MTHFD2L: variants seen among roughly 807,000 people sequenced by gnomAD.
The protein encoded by MTHFD2L is bifunctional methylenetetrahydrofolate dehydrogenase/cyclohydrolase 2, mitochondrial.
In MTHFD2L, 29 loss-of-function variants were observed where a neutral mutation model predicts 34.9. The observed-to-expected ratio is 0.83, with a 90% confidence interval of 0.62 to 1.13. The LOEUF is 1.13. Among genes scored for constraint, MTHFD2L ranks in the 50% most tolerant of loss-of-function variants. MTHFD2L has a pLI of 0.00. For synonymous variants in MTHFD2L, 167 were observed against 155.7 expected (o/e 1.07, Z -0.54); for missense variants, 481 against 446.5 (o/e 1.08, Z -0.70).
chr4:74,245,279 GC>G (rs1273234625), intron 6 of MTHFD2L, among the ~76,000 whole-genome samples: 4 of 149,698 alleles, frequency 2.7e-5, no homozygotes, highest in African/African-American at 7.4e-5. Flanking sequence ...GTAAGATAGT[GC>G]CTTTTATTCT....
intron 6 of MTHFD2L, among the ~76,000 whole-genome samples, chr4:74,250,344 G>T (rs1743127029): frequency 6.6e-6 from 1 of 151,958 alleles, no homozygotes; most frequent in Non-Finnish European, 1.5e-5. Flanking sequence ...GTGTAGAGAG[G>T]CCTATTTAAA....
intron 5 of MTHFD2L, among the ~76,000 whole-genome samples, chr4:74,223,249 A>G (rs1383348526): frequency 1.3e-5 from 2 of 151,750 alleles, no homozygotes; most frequent in Non-Finnish European, 2.9e-5. Flanking sequence ...CACACTACAT[A>G]CACACACACA....
intron 6 of MTHFD2L, among the ~76,000 whole-genome samples, chr4:74,269,885 A>G (rs933949537): frequency 6.6e-5 from 10 of 152,164 alleles, no homozygotes; most frequent in Admixed American, 6.5e-4. Flanking sequence ...AAGAAGGCAG[A>G]TAAGTATAGA....
At chr4:74,270,795 A>G (rs1246748505) in intron 6 of MTHFD2L, among the ~76,000 whole-genome samples, 1 of 152,070 alleles carries the variant, frequency 6.6e-6, no homozygotes, top group East Asian at 1.9e-4. Context: ...CAACAGTGTC[A>G]AAGTGTTCCT....
chr4:74,243,642 GT>G (rs1289481223), intron 6 of MTHFD2L, among the ~76,000 whole-genome samples: 26 of 151,846 alleles, frequency 1.7e-4, no homozygotes, highest in African/African-American at 6.3e-4. Flanking sequence ...TTCTCTGCAT[GT>G]TTTTCATGTT....
At chr4:74,257,986 G>T (rs1372287831) in intron 6 of MTHFD2L, among the ~76,000 whole-genome samples, 1 of 151,826 alleles carries the variant, frequency 6.6e-6, no homozygotes, top group Non-Finnish European at 1.5e-5. Context: ...ATATGAAAAA[G>T]CTCGACATCA....
chr4:74,220,600 C>A (rs1257584840), intron 5 of MTHFD2L, among the ~76,000 whole-genome samples: 1 of 151,632 alleles, frequency 6.6e-6, no homozygotes, highest in Non-Finnish European at 1.5e-5. Flanking sequence ...TTATTTATAT[C>A]TTTTGGTGTT....
intron 6 of MTHFD2L, among the ~76,000 whole-genome samples, chr4:74,252,312 A>G (rs1743428548): frequency 6.6e-6 from 1 of 152,124 alleles, no homozygotes; most frequent in Admixed American, 6.6e-5. Flanking sequence ...GGCCACTGCA[A>G]ACTTACGGCA....
intron 7 of MTHFD2L, among the ~76,000 whole-genome samples, chr4:74,294,813 A>G (rs1749430629): frequency 1.3e-5 from 2 of 152,152 alleles, no homozygotes; most frequent in Admixed American, 1.3e-4. Flanking sequence ...TCTTCCTTTT[A>G]GAAATCTGAA....
At chr4:74,114,788 T>A (rs1262439833) in intron 2 of MTHFD2L, 1 of 152,144 alleles carries the variant, frequency 6.6e-6, no homozygotes, top group Admixed American at 6.6e-5. Context: ...TCAGTGGAGG[T>A]CATGGGCAAA....
chr4:74,193,099 A>G lies in MTHFD2L; in HGVS notation c.452-6695A>G, dbSNP rs989192535. 3.9e-5 allele frequency among the ~76,000 whole-genome samples: 6 copies of G among 152,252 alleles called. No homozygotes were observed. In the East Asian group the frequency reaches 1.2e-3, roughly 29 times the overall value. On this transcript the variant is annotated intron_variant, in intron 3 of 7. Coordinates refer to ENST00000325278, the MANE Select transcript of MTHFD2L (RefSeq NM_001144978.3). The stretch of plus-strand genomic sequence containing the variant: ...TTTAACTTTTATGTTTAGATTTCTA[A>G]TTGATTTCTAGTTAATTTTTCTGTG...
intron 3 of MTHFD2L, among the ~76,000 whole-genome samples, chr4:74,178,905 C>G (rs371956863): frequency 6.6e-6 from 1 of 151,980 alleles, no homozygotes; most frequent in Non-Finnish European, 1.5e-5. Context: ...GATTTGAATC[C>G]GGGCAGACTG....
In MTHFD2L at chr4:74,181,477, CAGTG is replaced by C. The variant is rs574800797; in HGVS notation, c.451+6078_451+6081del. Among the ~76,000 whole-genome samples, 384 of 152,242 alleles carry C rather than the reference CAGTG, an allele frequency of 2.5e-3. 1 individual carries two copies. The highest frequency in any genetic ancestry group is 8.3e-3 in the African/African-American group (345 of 41,550). On this transcript the variant is annotated intron_variant, in intron 3 of 7. Transcript: ENST00000325278. ...ACTGAGTAACTGGTGTGAGTTCACT[CAGTG>C]AGTAAGTACCAGAGCGTTGTCAAGA... is the stretch of plus-strand genomic sequence containing the variant.
chr4:74,263,715 A>G (rs1309010378), intron 6 of MTHFD2L, among the ~76,000 whole-genome samples: 1 of 152,048 alleles, frequency 6.6e-6, no homozygotes, highest in East Asian at 1.9e-4. Flanking sequence ...TTTCAGCTTA[A>G]TAAGCTTTCT....
intron 6 of MTHFD2L, among the ~76,000 whole-genome samples, chr4:74,251,474 A>G (rs555560972): frequency 6.6e-6 from 1 of 151,690 alleles, no homozygotes; most frequent in Admixed American, 6.6e-5. Flanking sequence ...ATTATCCCAA[A>G]CTCTTTTTAG....
chr4:74,222,919 A>G (rs1738463865), intron 5 of MTHFD2L, among the ~76,000 whole-genome samples: 1 of 152,084 alleles, frequency 6.6e-6, no homozygotes, highest in South Asian at 2.1e-4. Flanking sequence ...CTATTATTAA[A>G]AAGTCAAAAA....
intron 3 of MTHFD2L, chr4:74,180,637 C>G (rs748136601): frequency 2.4e-6 from 1 of 415,956 alleles, no homozygotes. Flanking sequence ...GAATTCTGTC[C>G]TGTTTAATGG....
intron 1 of MTHFD2L, among the ~76,000 whole-genome samples, chr4:74,166,555 G>T (rs567944739): frequency 6.6e-6 from 1 of 152,320 alleles, no homozygotes; most frequent in South Asian, 2.1e-4. Flanking sequence ...ATCTGAAGGT[G>T]TCCCTACTCC....
intron 3 of MTHFD2L, chr4:74,180,727 A>G (rs1366217182): frequency 8.8e-6 from 4 of 452,676 alleles, no homozygotes; most frequent in African/African-American, 2.0e-5. Flanking sequence ...TGCTCGGGAT[A>G]TAAGAGTACA....
Sources: allele counts gnomAD v4.1 joint callset (sites outside exome capture counted in the v4.1 genomes callset), GRCh38; gene constraint gnomAD v4.1.1; transcripts MANE v1.5; gene names NCBI Gene and HGNC (gene_info 2026-07-23, HGNC 2026-07-21).